GCLM: variants seen among roughly 807,000 people sequenced by gnomAD.
GCLM encodes glutamate-cysteine ligase modifier subunit, also known as glutamate--cysteine ligase regulatory subunit.
Under a neutral mutation model 36.0 loss-of-function variants are expected in GCLM, and 15 were observed. The observed-to-expected ratio is 0.42, with a 90% CI of 0.28 to 0.64. The LOEUF (loss-of-function observed/expected upper bound fraction) is 0.64, where lower values mean the gene tolerates loss of function less well. Ranked by LOEUF, GCLM falls within the 30% of genes least tolerant of loss-of-function variation. GCLM has a pLI of 0.25. For synonymous variants in GCLM, 129 were observed against 122.8 expected, an observed-to-expected ratio of 1.05 and a Z score of -0.34; for missense variants, 242 against 325.5, an observed-to-expected ratio of 0.74 and a Z score of 1.97.
Position 93,888,760 on chromosome 1 carries a change from A to T in GCLM, c.*230T>A. On this transcript the variant is annotated 3_prime_UTR_variant, in exon 7 of 7. Coordinates refer to ENST00000370238, the MANE Select transcript of GCLM (RefSeq NM_002061.4). ...TATTGCAAGTATTTTCTTTATAGAC[A>T]ATTTCAATTAGAAAACAATAGTTTA... The T allele has an allele frequency of 3.0e-6, 1 of 335,860 alleles. No homozygotes were observed. The highest frequency in any genetic ancestry group is 5.3e-6 in the Non-Finnish European group (1 of 187,848). 20.8% of individuals were successfully genotyped at this position (335,860 alleles called of 1,614,324 possible).
Position 93,889,040 on chromosome 1 carries a change from T to C in GCLM, c.775A>G (p.Ile259Val). The C allele has an allele frequency of 6.2e-7, 1 of 1,603,054 alleles. No homozygotes were observed. The highest frequency in any genetic ancestry group is 8.5e-7 in the Non-Finnish European group (1 of 1,174,914). ...RYSVIVKSRG[I>V]IKSKGYILQA... ...AAAATGTAGCCTTTTGATTTGATAA[T>C]TCCTCTACTTTTCACAATGACCGAA... The change falls in exon 7 of 7, where the codon ATT becomes GTT. Residue 259 changes from isoleucine to valine, a missense_variant. Transcript: ENST00000370238.
intron 6 of GCLM, among the ~76,000 whole-genome samples, chr1:93,894,220 C>T (rs892777850): frequency 6.6e-6 from 1 of 151,844 alleles, no homozygotes; most frequent in East Asian, 1.9e-4. Flanking sequence ...GATCATGCTA[C>T]TGCACTCCAG....
intron 1 of GCLM, among the ~76,000 whole-genome samples, chr1:93,907,803 G>A (rs1657198972): frequency 1.3e-5 from 2 of 152,322 alleles, no homozygotes; most frequent in East Asian, 3.9e-4. Flanking sequence ...ACAAGCAAGA[G>A]TTCTCATCTC....
In GCLM at chr1:93,888,381, C is replaced by T. The variant is rs1424335883; in HGVS notation, c.*609G>A. 6.6e-6 allele frequency: 1 copy of T among 151,940 alleles called. No homozygotes were observed. The highest frequency in any genetic ancestry group is 1.5e-5 in the Non-Finnish European group (1 of 67,958). 9.4% of individuals were successfully genotyped at this position (151,940 alleles called of 1,614,324 possible). A position where few individuals can be genotyped will look rare whatever the true frequency, so the allele number is the denominator to read the frequency against. Reference sequence around the variant, plus strand: ...AGTAATAAAAAGACAGAATATGGCACAAGAATACAAGGTTAAATTATTACA... The same window carrying T: ...AGTAATAAAAAGACAGAATATGGCATAAGAATACAAGGTTAAATTATTACA... On this transcript the variant is annotated 3_prime_UTR_variant, in exon 7 of 7. Coordinates refer to ENST00000370238, the MANE Select transcript of GCLM (RefSeq NM_002061.4).
rs1657275217 is a variant in GCLM at position 93,909,324 on chromosome 1, C to G, written c.-161G>C. The G allele has an allele frequency of 2.9e-6, 3 of 1,035,496 alleles. No individual in the cohort carries two copies. The highest frequency in any genetic ancestry group is 8.9e-5 in the East Asian group (1 of 11,226). 64.1% of individuals were successfully genotyped at this position (1,035,496 alleles called of 1,614,324 possible). On this transcript the variant is annotated 5_prime_UTR_variant, in exon 1 of 7. Transcript: ENST00000370238. ...CTGGAGCCTGGTCTGCGCTCGGGCC[C>G]GAGGGAGGCCGGACGGCGGCTGGGC...
At chr1:93,901,464 A>G (rs1170268155) in intron 3 of GCLM, 121 bp downstream of exon 3, 1 of 687,836 alleles carries the variant, frequency 1.5e-6, no homozygotes, top group Non-Finnish European at 2.6e-6. Flanking sequence ...AAATTATGCT[A>G]AAAAAGAATT....
At chr1:93,897,780 A>G in intron 4 of GCLM, 59 bp downstream of exon 4, 1 of 829,766 alleles carries the variant, frequency 1.2e-6, no homozygotes, top group Non-Finnish European at 1.9e-6. Flanking sequence ...AGTTATAACT[A>G]ATACACCTAT....
At chr1:93,900,572 A>C (rs1290267918) in intron 3 of GCLM, among the ~76,000 whole-genome samples, 1 of 152,212 alleles carries the variant, frequency 6.6e-6, no homozygotes, top group African/African-American at 2.4e-5. Flanking sequence ...AGTATCACTA[A>C]TGCAATGCAG....
At chr1:93,894,589 T>C (rs1319448189) in intron 6 of GCLM, 25 bp downstream of exon 6, 1 of 1,152,500 alleles carries the variant, frequency 8.7e-7, no homozygotes, top group African/African-American at 1.5e-5. Flanking sequence ...ATGATCAATC[T>C]CTATAATGAA....
At chr1:93,905,709 A>C (rs1313297811) in intron 1 of GCLM, among the ~76,000 whole-genome samples, 1 of 152,264 alleles carries the variant, frequency 6.6e-6, no homozygotes, top group Non-Finnish European at 1.5e-5. Flanking sequence ...AAAGTAAGAC[A>C]TACATTCACA....
rs1656743457 is a variant in GCLM at position 93,896,599 on chromosome 1, T to C, written c.540+19A>G. The C allele has an allele frequency of 6.9e-6, 11 of 1,599,782 alleles. No individual in the cohort carries two copies. The highest frequency in any genetic ancestry group is 8.6e-6 in the Non-Finnish European group (10 of 1,166,978). On this transcript the variant is annotated intron_variant, in intron 5 of 6. Coordinates refer to ENST00000370238, the MANE Select transcript of GCLM (RefSeq NM_002061.4). ...GGGCAAGTTCTTCCTGGAGTGCTCA[T>C]GATCCTGCCATCCCTCACCTGTGCC...
intron 5 of GCLM, 38 bp downstream of exon 5, chr1:93,896,580 G>C (rs1310467306): frequency 6.5e-7 from 1 of 1,530,398 alleles, no homozygotes; most frequent in Non-Finnish European, 9.1e-7. Context: ...AAAAGGGCAA[G>C]TTCTTCCTGG....
intron 5 of GCLM, among the ~76,000 whole-genome samples, chr1:93,895,054 G>A (rs1485587052): frequency 1.4e-5 from 2 of 138,418 alleles, no homozygotes; most frequent in Admixed American, 1.6e-4. Flanking sequence ...TTGCTCTGTC[G>A]CCCAGGCTGG....
chr1:93,902,368 CAG>C (rs767331778), intron 2 of GCLM, among the ~76,000 whole-genome samples: 28 of 151,912 alleles, frequency 1.8e-4, no homozygotes, highest in Non-Finnish European at 3.4e-4. Context: ...TTAGTAGAGA[CAG>C]GGTTTCACCG....
At chr1:93,896,033 G>A (rs1465680617) in intron 5 of GCLM, among the ~76,000 whole-genome samples, 2 of 147,544 alleles carry the variant, frequency 1.4e-5, no homozygotes, top group African/African-American at 2.5e-5. Context: ...CGCAATCTCA[G>A]CTCACTGCAA....
In GCLM at chr1:93,896,600, GATCCTGCC is replaced by G; in HGVS notation, c.540+10_540+17del. On this transcript the variant is annotated intron_variant, in intron 5 of 6. Coordinates refer to ENST00000370238, the MANE Select transcript of GCLM (RefSeq NM_002061.4). Reference sequence around the variant, plus strand: ...GGCAAGTTCTTCCTGGAGTGCTCATGATCCTGCCATCCCTCACCTGTGCCCACTGATAC... The same window carrying G: ...GGCAAGTTCTTCCTGGAGTGCTCATGATCCCTCACCTGTGCCCACTGATAC... 1 of 1,600,264 alleles carries G rather than the reference GATCCTGCC, an allele frequency of 6.2e-7. No homozygotes were observed. The highest frequency in any genetic ancestry group is 8.6e-7 in the Non-Finnish European group (1 of 1,167,332).
chr1:93,900,895 G>C (rs767399755), intron 3 of GCLM, among the ~76,000 whole-genome samples: 1 of 152,158 alleles, frequency 6.6e-6, no homozygotes, highest in African/African-American at 2.4e-5. Context: ...AGAAGCCGGA[G>C]AAACAGGTAC....
At chr1:93,897,601 C>T (rs1284135106) in intron 4 of GCLM, among the ~76,000 whole-genome samples, 2 of 151,520 alleles carry the variant, frequency 1.3e-5, no homozygotes, top group Admixed American at 6.6e-5. Flanking sequence ...TATCTCCAAA[C>T]GGATAGTGAA....
At position 93,897,889 on chromosome 1, in the gene GCLM, AAC is replaced by A. The variant is rs1484970693; in HGVS notation, c.285_286del (p.Phe96HisfsTer11). ...TGATGAAGAGTTTGATTCTACAATGAACAGTTTTGCTGGGTAACAAAGAAAAC... is the reference window on the plus strand; with the variant it reads ...TGATGAAGAGTTTGATTCTACAATGAAGTTTTGCTGGGTAACAAAGAAAAC... On this transcript the variant is annotated frameshift_variant, in exon 4 of 7. Coordinates refer to ENST00000370238, the MANE Select transcript of GCLM (RefSeq NM_002061.4). LOFTEE classifies it high-confidence loss of function. The A allele has an allele frequency of 6.5e-7, 1 of 1,547,310 alleles. No homozygotes were observed. The highest frequency in any genetic ancestry group is 1.4e-5 in the African/African-American group (1 of 71,034).
Sources: gnomAD v4.1 joint callset for allele counts (sites outside exome capture counted in the v4.1 genomes callset) on GRCh38, gnomAD v4.1.1 for gene constraint, MANE v1.5 for transcripts, NCBI Gene and HGNC (gene_info 2026-07-23, HGNC 2026-07-21) for gene names.